Variants in USP3 observed in about 807,000 individuals in gnomAD.
The protein encoded by USP3 is ubiquitin carboxyl-terminal hydrolase 3.
USP3 carries 20 observed loss-of-function variants against 72.3 expected under a neutral mutation model. The observed-to-expected ratio is 0.28, with a 90% CI of 0.19 to 0.40. The LOEUF (loss-of-function observed/expected upper bound fraction) is 0.40, where lower values mean the gene tolerates loss of function less well. USP3 is among the 10% of genes least tolerant of loss of function. The probability of loss-of-function intolerance (pLI) is 1.00; values close to 1 mark genes in which losing one functional copy is unlikely to be tolerated. For synonymous variants in USP3, 222 were observed against 225.3 expected (o/e 0.99, Z 0.13); for missense variants, 479 against 633.9 (o/e 0.76, Z 2.62).
Position 63,588,068 on chromosome 15 carries a change from G to T in USP3, c.1097-237G>T. 1 of 356,550 alleles carries T rather than the reference G, an allele frequency of 2.8e-6. No homozygotes were observed. The highest frequency in any genetic ancestry group is 5.1e-6 in the Non-Finnish European group (1 of 197,856). 22.1% of individuals were successfully genotyped at this position (356,550 alleles called of 1,614,324 possible). A position where few individuals can be genotyped will look rare whatever the true frequency, so the allele number is the denominator to read the frequency against. On this transcript the variant is annotated intron_variant, in intron 11 of 14. Transcript: ENST00000380324. The surrounding 1 kb of genome is among the most constrained non-coding windows in gnomAD (Gnocchi z 4.6). ...CATTAATAGTAAAACCAACACAATTGATCATCACCAGATGTCAGGCATGAT... is the reference window on the plus strand; with the variant it reads ...CATTAATAGTAAAACCAACACAATTTATCATCACCAGATGTCAGGCATGAT...
intron 1 of USP3, among the ~76,000 whole-genome samples, chr15:63,509,893 G>A (rs942397902): frequency 2.0e-5 from 3 of 152,168 alleles, no homozygotes; most frequent in African/African-American, 7.2e-5. Flanking sequence ...TTGACACATT[G>A]ATGAGAAGTT....
intron 11 of USP3, among the ~76,000 whole-genome samples, chr15:63,579,476 T>C (rs991689525): frequency 1.3e-5 from 2 of 152,194 alleles, no homozygotes; most frequent in African/African-American, 4.8e-5. Flanking sequence ...AATAAGAAAT[T>C]AGGCAATAAA....
chr15:63,530,570 C>A, intron 1 of USP3: 1 of 413,522 alleles, frequency 2.4e-6, no homozygotes, highest in South Asian at 1.7e-5. Flanking sequence ...GCCTCGGCCT[C>A]CCAAAGTGTT....
At chr15:63,546,628 C>A (rs2066332354) in intron 3 of USP3, among the ~76,000 whole-genome samples, 1 of 152,066 alleles carries the variant, frequency 6.6e-6, no homozygotes, top group African/African-American at 2.4e-5. Flanking sequence ...GAGATGGAGT[C>A]TTGCTCTGTC....
Position 63,590,728 on chromosome 15 carries a change from A to G in USP3, c.1465A>G (p.Thr489Ala), listed in dbSNP as rs2067181858. The stretch of plus-strand genomic sequence containing the variant: ...CCGCTGGTTCCACTTCAATGACAGT[A>G]CTGTAACACTGACTGACGAGGAGAC... ...EGRWFHFNDSTVTLTDEETVV... is the reference protein window; with the variant it reads ...EGRWFHFNDSAVTLTDEETVV... Residue 489 changes from threonine to alanine, a missense_variant, in exon 15 of 15, where the codon ACT becomes GCT. Coordinates refer to ENST00000380324, the MANE Select transcript of USP3 (RefSeq NM_006537.4). 1.9e-6 allele frequency: 3 copies of G among 1,614,132 alleles called. No homozygotes were observed. In the African/African-American group the frequency reaches 4.0e-5, roughly 22 times the overall value.
At chr15:63,563,888 T>G (rs1001470376) in intron 8 of USP3, among the ~76,000 whole-genome samples, 4 of 152,244 alleles carry the variant, frequency 2.6e-5, no homozygotes, top group Non-Finnish European at 5.9e-5. Context: ...TTTAAATTGT[T>G]GCCTTGCTAA....
At position 63,558,072 on chromosome 15, in the gene USP3, C is replaced by T. The variant is rs200643948; in HGVS notation, c.451-34C>T. On this transcript the variant is annotated intron_variant, in intron 5 of 14. Transcript: ENST00000380324. ...TTTGAAACAGTTGGCCTTCCCTTGG[C>T]ATTACTGATGGCCTCTTCTTGCACC... The T allele has an allele frequency of 9.8e-5, 157 of 1,610,134 alleles. 3 individuals carry two copies. In the South Asian group the frequency reaches 1.0e-3, roughly 10 times the overall value.
chr15:63,556,805 T>G (rs2066517486), intron 5 of USP3, 57 bp downstream of exon 5: 1 of 1,190,598 alleles, frequency 8.4e-7, no homozygotes, highest in African/African-American at 1.5e-5. Context: ...ATCACTGTTT[T>G]GTTACAACTC....
At chr15:63,538,356 G>A (rs896372225) in intron 3 of USP3, among the ~76,000 whole-genome samples, 1 of 152,118 alleles carries the variant, frequency 6.6e-6, no homozygotes, top group African/African-American at 2.4e-5. Context: ...TTGTCAGACA[G>A]CCCTTGAATG....
At chr15:63,513,864 A>G (rs1262441630) in intron 1 of USP3, among the ~76,000 whole-genome samples, 1 of 152,256 alleles carries the variant, frequency 6.6e-6, no homozygotes, top group Admixed American at 6.5e-5. Flanking sequence ...ATGTTCTACT[A>G]TATTAGGCAT....
At chr15:63,511,394 A>G (rs990619923) in intron 1 of USP3, among the ~76,000 whole-genome samples, 1 of 151,882 alleles carries the variant, frequency 6.6e-6, no homozygotes, top group African/African-American at 2.4e-5. Context: ...ATGAAAATAT[A>G]TTTTAAGTTC....
At chr15:63,590,582 A>T (rs1020337691) in intron 14 of USP3, 79 bp from the exon 15 acceptor site, 1 of 1,311,914 alleles carries the variant, frequency 7.6e-7, no homozygotes, top group Non-Finnish European at 1.0e-6. Context: ...ATTAAAATTT[A>T]AATCTAACAT....
At chr15:63,552,197 A>C (rs2066447167) in intron 3 of USP3, among the ~76,000 whole-genome samples, 1 of 152,184 alleles carries the variant, frequency 6.6e-6, no homozygotes, top group South Asian at 2.1e-4. Context: ...AACTACATGC[A>C]TAAATTTATG....
At chr15:63,517,239 C>T (rs2065862441) in intron 1 of USP3, among the ~76,000 whole-genome samples, 1 of 152,010 alleles carries the variant, frequency 6.6e-6, no homozygotes, top group African/African-American at 2.4e-5. Flanking sequence ...TCCATTCCTT[C>T]TGTTGAATTT....
intron 1 of USP3, among the ~76,000 whole-genome samples, chr15:63,523,018 A>G (rs963961154): frequency 3.3e-5 from 5 of 152,190 alleles, no homozygotes; most frequent in African/African-American, 7.2e-5. Context: ...ATCTGTTAAA[A>G]TGTGCTTCTA....
At chr15:63,552,231 C>A (rs368545337) in intron 3 of USP3, among the ~76,000 whole-genome samples, 12 of 152,138 alleles carry the variant, frequency 7.9e-5, no homozygotes, top group East Asian at 5.8e-4. Context: ...AAAATGTAAG[C>A]AGAAATTCGA....
At chr15:63,581,394 T>A (rs1234464992) in intron 11 of USP3, among the ~76,000 whole-genome samples, 1 of 104,922 alleles carries the variant, frequency 9.5e-6, no homozygotes, top group African/African-American at 3.6e-5. Flanking sequence ...TGTGTGTGTG[T>A]GTGTGTTTAG....
intron 3 of USP3, chr15:63,551,214 CTT>C (rs1253574529): frequency 6.6e-6 from 1 of 152,024 alleles, no homozygotes; most frequent in Non-Finnish European, 1.5e-5. Flanking sequence ...TCTTAAAACT[CTT>C]TTTTTACCCA....
At chr15:63,508,161 C>T (rs948565835) in intron 1 of USP3, among the ~76,000 whole-genome samples, 2 of 152,140 alleles carry the variant, frequency 1.3e-5, no homozygotes, top group African/African-American at 4.8e-5. Context: ...ATTGTTTTGA[C>T]CTTCTGGATC....
Sources: gnomAD v4.1 joint callset for allele counts (sites outside exome capture counted in the v4.1 genomes callset) on GRCh38, gnomAD v4.1.1 for gene constraint, Gnocchi (gnomAD v3.1) non-coding constraint, MANE v1.5 for transcripts, NCBI Gene and HGNC (gene_info 2026-07-23, HGNC 2026-07-21) for gene names.